The following ELMOD1 variants were observed in gnomAD, a reference collection of about 807,000 sequenced individuals.
The protein encoded by ELMOD1 is ELMO domain-containing protein 1.
In ELMOD1, 21 loss-of-function variants were observed where a neutral mutation model predicts 46.7. That is an observed-to-expected ratio of 0.45 (90% CI 0.32 to 0.65). ELMOD1 has a LOEUF of 0.65. Ranked by LOEUF, ELMOD1 falls within the 30% of genes least tolerant of loss-of-function variation. ELMOD1 has a pLI of 0.04. For missense variants in ELMOD1, 348 were observed against 407.8 expected, an observed-to-expected ratio of 0.85 and a Z score of 1.26; for synonymous variants, 122 against 138.2, an observed-to-expected ratio of 0.88 and a Z score of 0.82.
intron 1 of ELMOD1, among the ~76,000 whole-genome samples, chr11:107,603,348 G>A (rs1591100997): frequency 6.6e-6 from 1 of 152,192 alleles, no homozygotes; most frequent in African/African-American, 2.4e-5. Flanking sequence ...AGACTAGCCT[G>A]GCCAACATGG....
intron 1 of ELMOD1, among the ~76,000 whole-genome samples, chr11:107,605,711 T>C (rs1202061548): frequency 6.6e-6 from 1 of 152,212 alleles, no homozygotes; most frequent in African/African-American, 2.4e-5. Context: ...GAGTGTTTTA[T>C]TCATGAGGGG....
chr11:107,616,714 A>G (rs1459702982), intron 1 of ELMOD1, among the ~76,000 whole-genome samples: 2 of 152,156 alleles, frequency 1.3e-5, no homozygotes, highest in Non-Finnish European at 2.9e-5. Flanking sequence ...GGCTACGTCA[A>G]TTATTTGACC....
intron 1 of ELMOD1, among the ~76,000 whole-genome samples, chr11:107,603,349 G>T (rs1344572747): frequency 6.6e-6 from 1 of 152,188 alleles, no homozygotes; most frequent in Non-Finnish European, 1.5e-5. Flanking sequence ...GACTAGCCTG[G>T]CCAACATGGC....
chr11:107,613,183 T>A (rs1251690972), intron 1 of ELMOD1, among the ~76,000 whole-genome samples: 1 of 152,194 alleles, frequency 6.6e-6, no homozygotes, highest in Non-Finnish European at 1.5e-5. Context: ...TCTTTTACTT[T>A]AGAGGAGAAC....
chr11:107,609,573 A>T (rs1001699991), intron 1 of ELMOD1, among the ~76,000 whole-genome samples: 1 of 152,226 alleles, frequency 6.6e-6, no homozygotes, highest in Non-Finnish European at 1.5e-5. Flanking sequence ...GTTACCCCGT[A>T]GCACTTTACA....
In ELMOD1 at chr11:107,658,261, TTTGTAACAAGAC is replaced by T. The variant is rs1866669508; in HGVS notation, c.832+2200_832+2211del. On this transcript the variant is annotated intron_variant, in intron 11 of 11. Transcript: ENST00000265840. ...TTGGGGGTTTTTTTGGTTTTTCGTT[TTTGTAACAAGAC>T]TTGTTAAACTATTTGATTCTGAACA... is the stretch of plus-strand genomic sequence containing the variant. Among the ~76,000 whole-genome samples, 10 of 152,292 alleles carry T rather than the reference TTTGTAACAAGAC, an allele frequency of 6.6e-5. No individual in the cohort carries two copies. The South Asian group carries it at 2.1e-3, about 32-fold the overall frequency.
intron 7 of ELMOD1, 130 bp downstream of exon 7, chr11:107,647,731 T>A: frequency 1.1e-6 from 1 of 876,196 alleles, no homozygotes; most frequent in Non-Finnish European, 1.6e-6. Flanking sequence ...TCAAGTCCCC[T>A]GAGAGGTCAG....
At chr11:107,648,133 C>A (rs1367502499) in intron 7 of ELMOD1, among the ~76,000 whole-genome samples, 1 of 152,132 alleles carries the variant, frequency 6.6e-6, no homozygotes, top group African/African-American at 2.4e-5. Flanking sequence ...ATTCAAATTT[C>A]CCAGTTCTCT....
intron 2 of ELMOD1, among the ~76,000 whole-genome samples, chr11:107,622,943 T>C (rs1865975360): frequency 6.6e-6 from 1 of 152,304 alleles, no homozygotes; most frequent in Admixed American, 6.5e-5. Flanking sequence ...CATACATATA[T>C]AAACACACAC....
At chr11:107,660,885 C>A in intron 11 of ELMOD1, among the ~76,000 whole-genome samples, 1 of 152,326 alleles carries the variant, frequency 6.6e-6, no homozygotes, top group South Asian at 2.1e-4. Context: ...ATAGACCCAG[C>A]ATTAGGGAGC....
chr11:107,654,645 T>C (rs1157117635), intron 10 of ELMOD1, among the ~76,000 whole-genome samples: 1 of 151,902 alleles, frequency 6.6e-6, no homozygotes, highest in Non-Finnish European at 1.5e-5. Context: ...GGCGGGCGCC[T>C]GTAGTCCCAG....
At chr11:107,615,385 G>A (rs914090801) in intron 1 of ELMOD1, among the ~76,000 whole-genome samples, 3 of 151,594 alleles carry the variant, frequency 2.0e-5, no homozygotes, top group Middle Eastern at 3.2e-3. Context: ...ACAGGCACGC[G>A]CTGCCACACC....
intron 2 of ELMOD1, chr11:107,625,610 T>C: frequency 1.0e-6 from 1 of 966,672 alleles, no homozygotes; most frequent in Non-Finnish European, 1.2e-6. Context: ...GCCCCATCCC[T>C]CCTGAATGGA....
At chr11:107,638,039 A>G (rs559366312) in intron 6 of ELMOD1, among the ~76,000 whole-genome samples, 2 of 152,246 alleles carry the variant, frequency 1.3e-5, no homozygotes, top group South Asian at 4.2e-4. Context: ...TATCCTCATC[A>G]CATATAGTAC....
chr11:107,613,724 A>G (rs566966674), intron 1 of ELMOD1, among the ~76,000 whole-genome samples: 2 of 152,158 alleles, frequency 1.3e-5, no homozygotes, highest in South Asian at 2.1e-4. Context: ...AAAAATTTAG[A>G]TAAACTATTT....
At chr11:107,659,562 G>T (rs1460733949) in intron 11 of ELMOD1, among the ~76,000 whole-genome samples, 1 of 149,884 alleles carries the variant, frequency 6.7e-6, no homozygotes, top group Non-Finnish European at 1.5e-5. Context: ...TAAAGAATTG[G>T]CATTTAAGGG....
At chr11:107,603,611 C>T (rs113272341) in intron 1 of ELMOD1, among the ~76,000 whole-genome samples, 51 of 152,100 alleles carry the variant, frequency 3.4e-4, no homozygotes, top group Non-Finnish European at 6.9e-4. Context: ...CTTACACTCC[C>T]ACTTTTAGAG....
chr11:107,642,151 C>G (rs982956891), intron 6 of ELMOD1, among the ~76,000 whole-genome samples: 1 of 151,614 alleles, frequency 6.6e-6, no homozygotes, highest in African/African-American at 2.4e-5. Context: ...ACCATCTTAG[C>G]CAGGCTGATC....
At chr11:107,641,084 G>A (rs886221294) in intron 6 of ELMOD1, among the ~76,000 whole-genome samples, 3 of 152,100 alleles carry the variant, frequency 2.0e-5, no homozygotes, top group African/African-American at 4.8e-5. Context: ...CTGAGGCCAG[G>A]CATTCGAGAC....
Sources: allele counts gnomAD v4.1 joint callset (sites outside exome capture counted in the v4.1 genomes callset), GRCh38; gene constraint gnomAD v4.1.1; transcripts MANE v1.5; gene names NCBI Gene and HGNC (gene_info 2026-07-23, HGNC 2026-07-21).